RGS6: variants seen among roughly 807,000 people sequenced by gnomAD.
RGS6 encodes the protein regulator of G-protein signaling 6.
Under a neutral mutation model 78.5 loss-of-function variants are expected in RGS6, and 30 were observed. The ratio of observed to expected loss-of-function variants is 0.38; its 90% CI spans 0.29 to 0.52. The LOEUF is 0.52. Ranked by LOEUF, RGS6 falls within the 20% of genes least tolerant of loss-of-function variation. The pLI, the probability that RGS6 is intolerant of heterozygous loss-of-function variation, is 0.85. For synonymous variants in RGS6, 206 were observed against 206.0 expected, an observed-to-expected ratio of 1.00 and a Z score of 0.00; for missense variants, 495 against 609.7, an observed-to-expected ratio of 0.81 and a Z score of 1.98.
intron 2 of RGS6, among the ~76,000 whole-genome samples, chr14:72,270,520 G>A (rs557633351): frequency 7.2e-5 from 11 of 152,318 alleles, no homozygotes; most frequent in Admixed American, 2.6e-4. Context: ...TACACATTTT[G>A]GTGTGGTTGG....
the RGS6 span, among the ~76,000 whole-genome samples, chr14:72,575,614 A>C: frequency 7.9e-5 from 12 of 152,212 alleles, no homozygotes; most frequent in Non-Finnish European, 1.3e-4. Context: ...CACCACCTCC[A>C]TCAGTTCCGC....
At chr14:71,869,226 CT>C in the RGS6 span, among the ~76,000 whole-genome samples, 1 of 152,226 alleles carries the variant, frequency 6.6e-6, no homozygotes, top group Non-Finnish European at 1.5e-5. Flanking sequence ...CCAGATTCGC[CT>C]TTAAAATTGG....
chr14:72,003,984 A>G (rs927388015), intron 2 of RGS6, among the ~76,000 whole-genome samples: 2 of 151,956 alleles, frequency 1.3e-5, no homozygotes, highest in African/African-American at 4.8e-5. Flanking sequence ...CTCAGTCCAT[A>G]CTTTGCCAAA....
chr14:72,467,935 C>T (rs964659136), intron 7 of RGS6, among the ~76,000 whole-genome samples: 1 of 152,138 alleles, frequency 6.6e-6, no homozygotes. Flanking sequence ...AGGAAAGGCC[C>T]AGACAGTAGA....
At chr14:72,252,404 A>C (rs1041891892) in intron 2 of RGS6, among the ~76,000 whole-genome samples, 7 of 152,230 alleles carry the variant, frequency 4.6e-5, no homozygotes, top group African/African-American at 1.7e-4. Context: ...TCAGGGAGAC[A>C]TACAGATTAA....
chr14:72,233,700 A>T (rs1480413748), intron 2 of RGS6, among the ~76,000 whole-genome samples: 1 of 152,194 alleles, frequency 6.6e-6, no homozygotes, highest in Non-Finnish European at 1.5e-5. Context: ...GAGGGACAGC[A>T]TGATGTCTCC....
At chr14:72,258,294 A>G (rs2057469346) in intron 2 of RGS6, among the ~76,000 whole-genome samples, 1 of 152,216 alleles carries the variant, frequency 6.6e-6, no homozygotes. Flanking sequence ...TAGTGTGTCC[A>G]CATGTTAGAT....
intron 2 of RGS6, among the ~76,000 whole-genome samples, chr14:72,317,716 G>A (rs1328846674): frequency 2.6e-5 from 4 of 152,106 alleles, no homozygotes; most frequent in Non-Finnish European, 5.9e-5. Flanking sequence ...ACAGCATGGA[G>A]CATCTTAAAT....
intron 2 of RGS6, among the ~76,000 whole-genome samples, chr14:72,067,255 G>C (rs777153004): frequency 1.5e-4 from 23 of 152,046 alleles, no homozygotes; most frequent in Non-Finnish European, 3.1e-4. Context: ...AGTGGGAGTC[G>C]AACAATGAGA....
At chr14:72,037,794 A>G (rs1307515126) in intron 2 of RGS6, among the ~76,000 whole-genome samples, 1 of 151,608 alleles carries the variant, frequency 6.6e-6, no homozygotes, top group African/African-American at 2.4e-5. Flanking sequence ...GGGCATATGC[A>G]TTTGTCAAAA....
Position 72,495,161 on chromosome 14 carries a change from C to A in RGS6, c.864C>A (p.Ala288=). 1 of 1,609,260 alleles carries A rather than the reference C, an allele frequency of 6.2e-7. No homozygotes were observed. Among genetic ancestry groups the A allele is most frequent in the Non-Finnish European group, 8.5e-7 (1 of 1,175,658 alleles). ...TGCCTCCCTCCTGCAGTTTAATTGCCTACACGGAACAATATGTGGAATATG... is the reference window on the plus strand; with the variant it reads ...TGCCTCCCTCCTGCAGTTTAATTGCATACACGGAACAATATGTGGAATATG... ...KMSKVAESLI[A]YTEQYVEYDP... The change falls in exon 13 of 18, where the codon GCC becomes GCA. Residue 288 remains alanine, a synonymous_variant. Transcript: ENST00000553525.
At chr14:72,521,393 C>T (rs543978206) in intron 15 of RGS6, among the ~76,000 whole-genome samples, 2 of 152,202 alleles carry the variant, frequency 1.3e-5, no homozygotes, top group East Asian at 3.8e-4. Context: ...TCTTCTTGGA[C>T]ATTTATGTTG....
chr14:72,265,958 A>C, intron 2 of RGS6, among the ~76,000 whole-genome samples: 1 of 149,434 alleles, frequency 6.7e-6, no homozygotes, highest in Non-Finnish European at 1.5e-5. Context: ...GGCGGGAGGC[A>C]GGTGGGAGGT....
chr14:72,053,079 C>CCCTCCCTTCCTCCCTTCCTTCCTTCCTT (rs2093415805), intron 2 of RGS6, among the ~76,000 whole-genome samples: 5 of 17,014 alleles, frequency 2.9e-4, no homozygotes, highest in Non-Finnish European at 4.6e-4. Context: ...CTCCCTCCCT[C>CCCTCCCTTCCTCCCTTCCTTCCTTCCTT]CCTTCCTTCC....
intron 2 of RGS6, among the ~76,000 whole-genome samples, chr14:72,271,146 C>T (rs1188474508): frequency 1.3e-5 from 2 of 152,234 alleles, no homozygotes; most frequent in Non-Finnish European, 2.9e-5. Context: ...TCTCGTTTCA[C>T]CACTGTATTA....
chr14:72,320,990 TGTTA>T (rs749188302), intron 2 of RGS6, among the ~76,000 whole-genome samples: 10 of 150,582 alleles, frequency 6.6e-5, no homozygotes, highest in Non-Finnish European at 8.9e-5. Context: ...TGAACATATA[TGTTA>T]GTTTGAAATA....
intron 2 of RGS6, among the ~76,000 whole-genome samples, chr14:72,059,201 C>G (rs1383625048): frequency 6.6e-6 from 1 of 152,140 alleles, no homozygotes; most frequent in Non-Finnish European, 1.5e-5. Context: ...CGCCTTCCTG[C>G]TGTGCTTATT....
At chr14:72,534,985 G>A (rs148029877) in intron 15 of RGS6, among the ~76,000 whole-genome samples, 3 of 152,282 alleles carry the variant, frequency 2.0e-5, no homozygotes, top group African/African-American at 7.2e-5. Flanking sequence ...CCCCAGTGAA[G>A]GCCAACCTCC....
intron 2 of RGS6, among the ~76,000 whole-genome samples, chr14:72,322,641 T>G (rs2072416233): frequency 6.6e-6 from 1 of 152,098 alleles, no homozygotes; most frequent in African/African-American, 2.4e-5. Context: ...TAAATAATCC[T>G]AATTAAAATA....
Sources: gnomAD v4.1 joint callset for allele counts (sites outside exome capture counted in the v4.1 genomes callset) on GRCh38, gnomAD v4.1.1 for gene constraint, MANE v1.5 for transcripts, NCBI Gene and HGNC (gene_info 2026-07-23, HGNC 2026-07-21) for gene names.